The following ADK variants were observed in gnomAD, a reference collection of about 807,000 sequenced individuals.
ADK encodes adenosine kinase.
Under a neutral mutation model 44.7 loss-of-function variants are expected in ADK, and 24 were observed. That is an observed-to-expected ratio of 0.54 (90% CI 0.39 to 0.76). The LOEUF is 0.76. ADK is among the 30% of genes least tolerant of loss of function. ADK has a pLI of 0.00. For synonymous variants in ADK, 128 were observed against 142.6 expected (o/e 0.90, Z 0.73); for missense variants, 321 against 425.1 (o/e 0.76, Z 2.15).
At chr10:74,496,868 C>T (rs990029852) in intron 6 of ADK, among the ~76,000 whole-genome samples, 1 of 152,092 alleles carries the variant, frequency 6.6e-6, no homozygotes, top group Non-Finnish European at 1.5e-5. Context: ...TTTTATTTAA[C>T]CTTTTACTGT....
chr10:74,190,254 C>A (rs945162395), intron 1 of ADK, among the ~76,000 whole-genome samples: 16 of 152,178 alleles, frequency 1.1e-4, no homozygotes, highest in African/African-American at 3.9e-4. Flanking sequence ...TGTTACTGTT[C>A]TAGTCTTCGC....
chr10:74,332,722 T>C lies in ADK; in HGVS notation c.273+17977T>C, dbSNP rs192978220. Among the ~76,000 whole-genome samples the C allele has an allele frequency of 7.9e-5, 12 of 152,296 alleles. No homozygotes were observed. The East Asian group carries it at 1.7e-3, about 22-fold the overall frequency. On this transcript the variant is annotated intron_variant, in intron 4 of 10. Coordinates refer to ENST00000539909, the MANE Select transcript of ADK (RefSeq NM_006721.4). ...AGAAAAACTGAAGGTATTAGAAATA[T>C]AACTCCATTTGAAGAGTATTACTTT...
At chr10:74,375,547 G>A (rs985751583) in intron 4 of ADK, among the ~76,000 whole-genome samples, 15 of 152,140 alleles carry the variant, frequency 9.9e-5, no homozygotes, top group East Asian at 7.7e-4. Flanking sequence ...ATTTTGGACC[G>A]TGATACAGTT....
At chr10:74,265,572 G>T (rs909308253) in intron 3 of ADK, among the ~76,000 whole-genome samples, 1 of 151,964 alleles carries the variant, frequency 6.6e-6, no homozygotes, top group Middle Eastern at 3.4e-3. Context: ...TTTCTGTGAT[G>T]ATATTTGAGA....
chr10:74,300,502 A>G (rs993702103), intron 3 of ADK, among the ~76,000 whole-genome samples: 2 of 151,804 alleles, frequency 1.3e-5, no homozygotes, highest in African/African-American at 2.4e-5. Context: ...TCAGCCTCCC[A>G]AGTAGCTGGG....
At chr10:74,646,515 G>A (rs1045441485) in intron 9 of ADK, among the ~76,000 whole-genome samples, 1 of 152,144 alleles carries the variant, frequency 6.6e-6, no homozygotes, top group Non-Finnish European at 1.5e-5. Flanking sequence ...GAGAGAAAAT[G>A]GCAGAAAACT....
At chr10:74,600,256 A>G (rs1852067866) in intron 8 of ADK, 123 bp from the exon 9 acceptor site, 2 of 622,084 alleles carry the variant, frequency 3.2e-6, no homozygotes, top group Non-Finnish European at 5.8e-6. Flanking sequence ...GAAATTTTTA[A>G]TGTCTCTTAA....
intron 4 of ADK, among the ~76,000 whole-genome samples, chr10:74,317,012 G>A (rs1840646744): frequency 6.6e-6 from 1 of 152,058 alleles, no homozygotes; most frequent in African/African-American, 2.4e-5. Context: ...TATTCTGTCA[G>A]ATCTTACTAG....
chr10:74,590,765 C>T (rs1327720658), intron 8 of ADK, among the ~76,000 whole-genome samples: 2 of 151,884 alleles, frequency 1.3e-5, no homozygotes, highest in South Asian at 2.1e-4. Flanking sequence ...ATATGTAGGA[C>T]AAAATGTAAT....
chr10:74,160,703 GTGTGTGTGTGTGTGTA>G (rs1371799928), intron 1 of ADK, among the ~76,000 whole-genome samples: 1 of 149,414 alleles, frequency 6.7e-6, no homozygotes, highest in African/African-American at 2.5e-5. Context: ...GTGTGTGTGT[GTGTGTGTGTGTGTGTA>G]TGTGTGTGTG....
chr10:74,417,177 A>T (rs1844403514), intron 6 of ADK, among the ~76,000 whole-genome samples: 1 of 152,138 alleles, frequency 6.6e-6, no homozygotes, highest in Non-Finnish European at 1.5e-5. Flanking sequence ...ATAAAAATAA[A>T]GTGGGGAATC....
At chr10:74,542,900 A>AT (rs1564783436) in intron 7 of ADK, among the ~76,000 whole-genome samples, 2 of 150,918 alleles carry the variant, frequency 1.3e-5, no homozygotes, top group Admixed American at 6.6e-5. Flanking sequence ...TTATTTATTT[A>AT]TTTATTTATT....
At chr10:74,670,364 A>G (rs1855124649) in intron 10 of ADK, 95 bp downstream of exon 10, 4 of 911,194 alleles carry the variant, frequency 4.4e-6, no homozygotes, top group African/African-American at 1.7e-5. Context: ...AGTAACTTCT[A>G]ATTTCTTCTT....
chr10:74,417,398 A>G (rs1844409881), intron 6 of ADK, among the ~76,000 whole-genome samples: 1 of 152,044 alleles, frequency 6.6e-6, no homozygotes, highest in South Asian at 2.1e-4. Context: ...TGTGAATGTG[A>G]TGTTTTAAGG....
At chr10:74,616,324 G>A (rs1263940587) in intron 9 of ADK, among the ~76,000 whole-genome samples, 1 of 151,766 alleles carries the variant, frequency 6.6e-6, no homozygotes, top group African/African-American at 2.4e-5. Flanking sequence ...CTCTTCTGTT[G>A]TTTTTTTCTA....
chr10:74,634,906 C>T (rs1354749105), intron 9 of ADK, among the ~76,000 whole-genome samples: 2 of 152,116 alleles, frequency 1.3e-5, no homozygotes, highest in South Asian at 2.1e-4. Flanking sequence ...GATAATGCCA[C>T]TGCACTCCAG....
At position 74,160,579 on chromosome 10, in the gene ADK, A is replaced by G. The variant is rs146530469; in HGVS notation, c.65+9236A>G. ...TGGGGCTTACCTGCCCTGCATTACAATCACTGTATCAGAGGTGGAGATTTG... is the reference window on the plus strand; with the variant it reads ...TGGGGCTTACCTGCCCTGCATTACAGTCACTGTATCAGAGGTGGAGATTTG... On this transcript the variant is annotated intron_variant, in intron 1 of 10. Coordinates refer to ENST00000539909, the MANE Select transcript of ADK (RefSeq NM_006721.4). Among the ~76,000 whole-genome samples, 54 of 152,162 alleles carry G rather than the reference A, an allele frequency of 3.5e-4. 1 individual carries two copies. Among genetic ancestry groups the G allele is most frequent in the African/African-American group, 1.2e-3 (50 of 41,532 alleles).
chr10:74,383,523 G>A (rs1843045751), intron 4 of ADK, among the ~76,000 whole-genome samples: 1 of 152,020 alleles, frequency 6.6e-6, no homozygotes, highest in Non-Finnish European at 1.5e-5. Flanking sequence ...TGTGAGGGAG[G>A]AAAAATATTT....
chr10:74,373,814 A>T (rs1842742132), intron 4 of ADK, among the ~76,000 whole-genome samples: 1 of 152,208 alleles, frequency 6.6e-6, no homozygotes. Flanking sequence ...TATACACAAG[A>T]CAAATGAAAA....
Sources: allele counts gnomAD v4.1 joint callset (sites outside exome capture counted in the v4.1 genomes callset), GRCh38; gene constraint gnomAD v4.1.1; transcripts MANE v1.5; gene names NCBI Gene and HGNC (gene_info 2026-07-23, HGNC 2026-07-21).